SYT16: variants seen among roughly 807,000 people sequenced by gnomAD.
SYT16 encodes synaptotagmin-16.
In SYT16, 42 loss-of-function variants were observed where a neutral mutation model predicts 61.4. The ratio of observed to expected loss-of-function variants is 0.68; its 90% CI spans 0.53 to 0.89. The LOEUF (loss-of-function observed/expected upper bound fraction) is 0.89, where lower values mean the gene tolerates loss of function less well. SYT16 is among the 40% of genes least tolerant of loss of function. The pLI, the probability that SYT16 is intolerant of heterozygous loss-of-function variation, is 0.00. For missense variants in SYT16, 804 were observed against 807.3 expected, an observed-to-expected ratio of 1.00 and a Z score of 0.05; for synonymous variants, 314 against 302.3, an observed-to-expected ratio of 1.04 and a Z score of -0.40.
intron 3 of SYT16, among the ~76,000 whole-genome samples, chr14:62,055,299 A>G (rs958119607): frequency 1.3e-5 from 2 of 152,222 alleles, no homozygotes; most frequent in Non-Finnish European, 2.9e-5. Flanking sequence ...ATGAGACAGC[A>G]GAGCTTAAAA....
At chr14:61,962,415 G>A (rs187273942) in intron 1 of SYT16, among the ~76,000 whole-genome samples, 160 of 152,156 alleles carry the variant, frequency 1.1e-3, no homozygotes, top group African/African-American at 3.8e-3. Context: ...AATGTGACAT[G>A]TGGCTTTTCT....
chr14:62,056,996 G>T (rs532031077), intron 3 of SYT16, among the ~76,000 whole-genome samples: 1 of 152,290 alleles, frequency 6.6e-6, no homozygotes, highest in African/African-American at 2.4e-5. Flanking sequence ...AGCCGCGCTG[G>T]GGGGCACGGC....
chr14:62,051,096 C>G (rs944901347), intron 3 of SYT16, among the ~76,000 whole-genome samples: 4 of 152,242 alleles, frequency 2.6e-5, no homozygotes, highest in Non-Finnish European at 5.9e-5. Context: ...AGGCAGGCCT[C>G]CTTGAGCTGT....
chr14:61,919,997 C>T (rs2049269577), intron 1 of SYT16, among the ~76,000 whole-genome samples: 1 of 152,204 alleles, frequency 6.6e-6, no homozygotes, highest in Admixed American at 6.5e-5. Context: ...CATCTCCCCA[C>T]TGCCTCTCAA....
At chr14:61,881,667 A>G (rs1450534133) in intron 1 of SYT16, among the ~76,000 whole-genome samples, 2 of 152,128 alleles carry the variant, frequency 1.3e-5, no homozygotes, top group East Asian at 1.9e-4. Context: ...TTCCATTCCC[A>G]GTGTTTAGTC....
chr14:62,089,781 A>AC (rs756097512), intron 7 of SYT16, among the ~76,000 whole-genome samples: 10 of 152,206 alleles, frequency 6.6e-5, no homozygotes, highest in Admixed American at 2.6e-4. Flanking sequence ...GCAAATGATA[A>AC]CCTCCAGGTC....
At chr14:62,005,485 G>C (rs944686900) in intron 3 of SYT16, among the ~76,000 whole-genome samples, 1 of 152,106 alleles carries the variant, frequency 6.6e-6, no homozygotes, top group Non-Finnish European at 1.5e-5. Flanking sequence ...TATAGACAAT[G>C]TCTAGGGTTT....
intron 1 of SYT16, among the ~76,000 whole-genome samples, chr14:61,829,860 T>G (rs1230576496): frequency 1.3e-5 from 2 of 152,108 alleles, no homozygotes; most frequent in East Asian, 3.9e-4. Context: ...TTCACCGTGT[T>G]AGCCAGGATG....
intron 1 of SYT16, among the ~76,000 whole-genome samples, chr14:61,856,231 C>A (rs1320682537): frequency 6.6e-6 from 1 of 152,182 alleles, no homozygotes; most frequent in Non-Finnish European, 1.5e-5. Context: ...TTATCTAACA[C>A]ATACATCTCA....
chr14:61,969,404 G>A (rs377002183), intron 1 of SYT16, among the ~76,000 whole-genome samples: 17 of 152,282 alleles, frequency 1.1e-4, no homozygotes, highest in African/African-American at 4.1e-4. Flanking sequence ...CAATGGCTGG[G>A]ACTCTTTGAG....
intron 3 of SYT16, among the ~76,000 whole-genome samples, chr14:62,050,049 A>T (rs769651434): frequency 6.6e-6 from 1 of 152,142 alleles, no homozygotes; most frequent in Non-Finnish European, 1.5e-5. Flanking sequence ...TTCTCCTGGA[A>T]AATATCCTGC....
intron 7 of SYT16, among the ~76,000 whole-genome samples, chr14:62,098,074 A>G (rs1382670685): frequency 1.3e-5 from 2 of 152,264 alleles, no homozygotes; most frequent in African/African-American, 2.4e-5. Context: ...CTCAGCAGAT[A>G]AGTGCATAAA....
At chr14:62,088,534 A>T (rs917550626) in intron 7 of SYT16, among the ~76,000 whole-genome samples, 1 of 152,238 alleles carries the variant, frequency 6.6e-6, no homozygotes, top group Non-Finnish European at 1.5e-5. Context: ...ATATATTGAT[A>T]GGGATGTGAG....
intron 5 of SYT16, among the ~76,000 whole-genome samples, chr14:62,079,713 T>C (rs1218127047): frequency 2.6e-5 from 4 of 152,246 alleles, no homozygotes; most frequent in Non-Finnish European, 5.9e-5. Context: ...AAAGTTTAGT[T>C]ACAGGTAAGG....
At chr14:62,019,420 G>A (rs915778275) in intron 3 of SYT16, among the ~76,000 whole-genome samples, 4 of 152,138 alleles carry the variant, frequency 2.6e-5, no homozygotes, top group East Asian at 3.9e-4. Flanking sequence ...AAATGCTGAC[G>A]CTGCTACTTT....
intron 5 of SYT16, chr14:62,079,346 T>A: frequency 8.3e-7 from 1 of 1,202,626 alleles, no homozygotes; most frequent in South Asian, 1.5e-5. Flanking sequence ...GCAGGCTAAT[T>A]TGAATCTTAA....
At chr14:61,895,913 G>A (rs570782177) in intron 1 of SYT16, among the ~76,000 whole-genome samples, 3 of 152,284 alleles carry the variant, frequency 2.0e-5, no homozygotes, top group African/African-American at 7.2e-5. Context: ...CAGAGGATGA[G>A]CTAACCTCTT....
intron 1 of SYT16, among the ~76,000 whole-genome samples, chr14:61,856,927 C>A (rs2046794643): frequency 6.6e-6 from 1 of 151,980 alleles, no homozygotes; most frequent in African/African-American, 2.4e-5. Context: ...ATCCTAGAAG[C>A]CAAGAAAAAT....
At chr14:62,047,027 C>G (rs749586349) in intron 3 of SYT16, among the ~76,000 whole-genome samples, 3 of 152,196 alleles carry the variant, frequency 2.0e-5, no homozygotes, top group Non-Finnish European at 2.9e-5. Context: ...GGCACTGAAT[C>G]TGTAAATTAC....
Sources: gnomAD v4.1 joint callset for allele counts (sites outside exome capture counted in the v4.1 genomes callset) on GRCh38, gnomAD v4.1.1 for gene constraint, MANE v1.5 for transcripts, NCBI Gene and HGNC (gene_info 2026-07-23, HGNC 2026-07-21) for gene names.